Variants in ATG16L2 observed in about 807,000 individuals in gnomAD.
ATG16L2 encodes the protein protein Atg16l2.
In ATG16L2, 77 loss-of-function variants were observed where a neutral mutation model predicts 84.7. That is an observed-to-expected ratio of 0.91 (90% CI 0.76 to 1.10). The LOEUF (loss-of-function observed/expected upper bound fraction) is 1.10, where lower values mean the gene tolerates loss of function less well. Among genes scored for constraint, ATG16L2 ranks in the 50% least tolerant of loss-of-function variants. ATG16L2 has a pLI of 0.00. For missense variants in ATG16L2, 782 were observed against 817.6 expected (o/e 0.96, Z 0.53); for synonymous variants, 361 against 342.8 (o/e 1.05, Z -0.59).
intron 1 of ATG16L2, among the ~76,000 whole-genome samples, chr11:72,814,767 G>T (rs1184171462): frequency 6.6e-6 from 1 of 152,220 alleles, no homozygotes; most frequent in East Asian, 1.9e-4. Context: ...GCCCCTCCTG[G>T]TCCCCCTGCC....
chr11:72,816,680 T>C (rs1293489134), intron 1 of ATG16L2, 48 bp from the exon 2 acceptor site: 2 of 1,466,530 alleles, frequency 1.4e-6, no homozygotes, highest in Non-Finnish European at 1.9e-6. Context: ...GCCAGGGGGC[T>C]GCTGGGTATC....
Position 72,822,954 on chromosome 11 carries a change from C to T in ATG16L2, c.817C>T (p.Pro273Ser), listed in dbSNP as rs1460088505. 4.5e-6 allele frequency: 7 copies of T among 1,564,086 alleles called. No homozygotes were observed. Among genetic ancestry groups the T allele is most frequent in the Non-Finnish European group, 6.1e-6 (7 of 1,153,290 alleles). Reference protein sequence around the residue: ...EKEACEKWKRPFRSASATSLT... With the variant: ...EKEACEKWKRSFRSASATSLT... ...GGAAGCTTGTGAGAAGTGGAAGAGGCCCTTCAGGTGAGGACCCAGGTGACA... is the reference window on the plus strand; with the variant it reads ...GGAAGCTTGTGAGAAGTGGAAGAGGTCCTTCAGGTGAGGACCCAGGTGACA... The change falls in exon 7 of 18, where the codon CCC becomes TCC. Residue 273 changes from proline (P) to serine (S), a missense_variant. Coordinates refer to ENST00000321297, the MANE Select transcript of ATG16L2 (RefSeq NM_033388.2). This position sits in a 1 kb window ranked among gnomAD's most constrained non-coding sequence, Gnocchi z 4.2.
chr11:72,843,447 A>G, exon 6 of ATG16L2: 1 of 1,608,250 alleles, frequency 6.2e-7, no homozygotes, highest in East Asian at 2.2e-5. Flanking sequence ...AAAGGAATAT[A>G]CCTTTACCCA....
At chr11:72,829,752 C>A, downstream of ATG16L2, 1 of 545,794 alleles carries the variant, frequency 1.8e-6, no homozygotes, top group Non-Finnish European at 2.4e-6. Flanking sequence ...GGCAGCCAGC[C>A]GAGTCTCTGC....
chr11:72,827,340 G>C, intron 14 of ATG16L2, 47 bp downstream of exon 14: 2 of 1,469,084 alleles, frequency 1.4e-6, no homozygotes, highest in Non-Finnish European at 1.9e-6. Context: ...CTGGGGACAG[G>C]GCTCCCAAGT....
At chr11:72,815,688 C>A (rs531059140) in intron 1 of ATG16L2, among the ~76,000 whole-genome samples, 1 of 152,134 alleles carries the variant, frequency 6.6e-6, no homozygotes, top group Non-Finnish European at 1.5e-5. Context: ...TGCTGCAGTA[C>A]CCTGGGGGCT....
chr11:72,838,670 ATCC>A lies in ATG16L2; in HGVS notation c.*22-3942_*22-3940del, dbSNP rs1246676980. 133 of 786,612 alleles carry A rather than the reference ATCC, an allele frequency of 1.7e-4. 1 individual carries two copies. Among genetic ancestry groups the A allele is most frequent in the South Asian group, 2.7e-4 (17 of 63,772 alleles). 48.7% of individuals were successfully genotyped at this position (786,612 alleles called of 1,614,324 possible). On this transcript the variant is annotated intron_variant, in intron 5 of 5. Transcript: ENST00000534905. ...CTACCAGGCCACCCAGTCACACATA[ATCC>A]TCCTTGTTTTTTGCTCTGTTCAAGA... is the stretch of plus-strand genomic sequence containing the variant.
intron 5 of ATG16L2, among the ~76,000 whole-genome samples, chr11:72,835,312 C>T (rs546214659): frequency 1.3e-5 from 2 of 152,208 alleles, no homozygotes; most frequent in Non-Finnish European, 2.9e-5. Context: ...CAACTCTGTG[C>T]GTTACTATGG....
chr11:72,827,679 C>A (rs780224312), intron 14 of ATG16L2, among the ~76,000 whole-genome samples: 3 of 152,184 alleles, frequency 2.0e-5, no homozygotes, highest in Non-Finnish European at 4.4e-5. Flanking sequence ...TGGCTCATAC[C>A]TGTAATCCCA....
Position 72,822,503 on chromosome 11 carries a change from G to T in ATG16L2, c.670G>T (p.Glu224Ter). The T allele has an allele frequency of 1.9e-6, 3 of 1,613,252 alleles. No homozygotes were observed. Among genetic ancestry groups the T allele is most frequent in the Middle Eastern group, 1.7e-4 (1 of 6,058 alleles). Reference protein sequence around the residue: ...ERAKQARVSQELKKAAKRTVS... With the variant: ...ERAKQARVSQ Reference sequence around the variant, plus strand: ...GGCCAAGCAGGCGCGGGTGTCCCAGGAGCTGAAGAAGGCTGCCAAGCGGAC... The same window carrying T: ...GGCCAAGCAGGCGCGGGTGTCCCAGTAGCTGAAGAAGGCTGCCAAGCGGAC... The change falls in exon 6 of 18, where the codon GAG becomes TAG. Residue 224 changes from glutamate to a stop codon, truncating the protein, a stop_gained. Coordinates refer to ENST00000321297, the MANE Select transcript of ATG16L2 (RefSeq NM_033388.2). LOFTEE classifies it high-confidence loss of function. This position sits in a 1 kb window ranked among gnomAD's most constrained non-coding sequence, Gnocchi z 4.2.
chr11:72,830,126 G>A (rs933967481), downstream of ATG16L2, among the ~76,000 whole-genome samples: 2 of 152,166 alleles, frequency 1.3e-5, no homozygotes. Context: ...GCCTGGGGGA[G>A]GGCAGCTGTG....
In ATG16L2 at chr11:72,822,448, AG is replaced by A. The variant is rs1368924209; in HGVS notation, c.645-27del. 1 of 1,612,154 alleles carries A rather than the reference AG, an allele frequency of 6.2e-7. No homozygotes were observed. The highest frequency in any genetic ancestry group is 1.7e-5 in the Admixed American group (1 of 59,876). On this transcript the variant is annotated intron_variant, in intron 5 of 17. Coordinates refer to ENST00000321297, the MANE Select transcript of ATG16L2 (RefSeq NM_033388.2). The surrounding 1 kb of genome is among the most constrained non-coding windows in gnomAD (Gnocchi z 4.2). ...CCGCCTGCGTGCGAGGCGCCGCGCC[AG>A]GGTCTCAGGATGCTTTTTACCCAAC...
intron 8 of ATG16L2, chr11:72,824,526 G>C (rs1054967316): frequency 5.4e-5 from 32 of 594,596 alleles, no homozygotes; most frequent in Middle Eastern, 3.8e-4. Context: ...CCCTGCTCCT[G>C]TGTCTGCCTC....
chr11:72,842,783 A>G, exon 6 of ATG16L2: 1 of 1,613,986 alleles, frequency 6.2e-7, no homozygotes, highest in Non-Finnish European at 8.5e-7. Flanking sequence ...CTCCCTCAGG[A>G]AAAGATAACT....
intron 3 of ATG16L2, chr11:72,821,144 A>T (rs1859967922): frequency 1.2e-5 from 10 of 865,280 alleles, no homozygotes; most frequent in Non-Finnish European, 1.4e-5. Flanking sequence ...TCTCTTAGCT[A>T]CGTGACTTTG....
intron 13 of ATG16L2, 74 bp downstream of exon 13, chr11:72,826,897 C>T (rs1374918202): frequency 5.2e-6 from 8 of 1,545,488 alleles, no homozygotes; most frequent in South Asian, 1.2e-5. Context: ...AGGGACCTCA[C>T]CTGCTCTCTG....
chr11:72,816,963 A>C (rs943791920), intron 2 of ATG16L2, 136 bp downstream of exon 2: 6 of 202,670 alleles, frequency 3.0e-5, no homozygotes, highest in East Asian at 1.3e-4. Context: ...GGGGTGGTGG[A>C]GGTGGTGGGG....
Position 72,826,179 on chromosome 11 carries a change from T to C in ATG16L2, c.1109T>C (p.Leu370Pro). 6.2e-7 allele frequency: 1 copy of C among 1,613,218 alleles called. No individual in the cohort carries two copies. Among genetic ancestry groups the C allele is most frequent in the South Asian group, 1.1e-5 (1 of 91,000 alleles). Residue 370 changes from leucine to proline, a missense_variant, in exon 11 of 18, where the codon CTG becomes CCG. Coordinates refer to ENST00000321297, the MANE Select transcript of ATG16L2 (RefSeq NM_033388.2). The part of the protein sequence containing the change: ...IHLWNVVGSR[L>P]EANQTLEGAG... ...CTTCCCCTGGTCCTCCCAGGTCGCC[T>C]GGAGGCCAACCAGACCCTGGAGGGA...
At chr11:72,817,723 G>A in intron 2 of ATG16L2, 33 bp from the exon 3 acceptor site, 2 of 1,608,408 alleles carry the variant, frequency 1.2e-6, no homozygotes, top group East Asian at 2.2e-5. Flanking sequence ...GGTGAACCGG[G>A]GGACATTGAG....
Sources: gnomAD v4.1 joint callset for allele counts (sites outside exome capture counted in the v4.1 genomes callset) on GRCh38, gnomAD v4.1.1 for gene constraint, Gnocchi (gnomAD v3.1) non-coding constraint, MANE v1.5 for transcripts, NCBI Gene and HGNC (gene_info 2026-07-23, HGNC 2026-07-21) for gene names.